STPG2: variants seen among roughly 807,000 people sequenced by gnomAD.
STPG2 encodes sperm-tail PG-rich repeat-containing protein 2.
Under a neutral mutation model 54.2 loss-of-function variants are expected in STPG2, and 56 were observed. The observed-to-expected ratio is 1.03, with a 90% CI of 0.83 to 1.29. The LOEUF (loss-of-function observed/expected upper bound fraction) is 1.29. Ranked by LOEUF, STPG2 falls within the 50% of genes most tolerant of loss-of-function variation. The pLI, the probability that STPG2 is intolerant of heterozygous loss-of-function variation, is 0.00. For synonymous variants in STPG2, 200 were observed against 181.8 expected, an observed-to-expected ratio of 1.10 and a Z score of -0.81; for missense variants, 596 against 544.9, an observed-to-expected ratio of 1.09 and a Z score of -0.93.
intron 4 of STPG2, chr4:97,489,892 AG>A (rs1730461059): frequency 6.6e-6 from 1 of 151,370 alleles, no homozygotes; most frequent in South Asian, 2.1e-4. Flanking sequence ...AGGAGACAAA[AG>A]ATTGCAGATC....
At chr4:97,955,849 T>A (rs1168778340) in intron 7 of STPG2, among the ~76,000 whole-genome samples, 1 of 152,102 alleles carries the variant, frequency 6.6e-6, no homozygotes, top group Non-Finnish European at 1.5e-5. Context: ...ATTAAAGTGC[T>A]GAAAATAATC....
chr4:98,089,826 TG>T (rs1167171699), intron 5 of STPG2, among the ~76,000 whole-genome samples: 6 of 152,130 alleles, frequency 3.9e-5, no homozygotes, highest in Admixed American at 3.3e-4. Context: ...TTTTCATGTT[TG>T]TTGGTTATTT....
chr4:97,613,836 T>C (rs1001114604), intron 10 of STPG2, among the ~76,000 whole-genome samples: 4 of 152,056 alleles, frequency 2.6e-5, no homozygotes, highest in African/African-American at 9.7e-5. Context: ...TCTGGCACTA[T>C]GTAAGATGCT....
chr4:97,704,954 AT>A (rs879253359), intron 10 of STPG2, among the ~76,000 whole-genome samples: 1 of 152,242 alleles, frequency 6.6e-6, no homozygotes, highest in South Asian at 2.1e-4. Context: ...TATGGAAAAA[AT>A]ATCTTAAAAT....
At chr4:98,065,048 T>C (rs1429482552) in intron 5 of STPG2, among the ~76,000 whole-genome samples, 2 of 152,088 alleles carry the variant, frequency 1.3e-5, no homozygotes, top group Non-Finnish European at 1.5e-5. Context: ...TACAAGTGCA[T>C]GCCACTAAGA....
intron 8 of STPG2, among the ~76,000 whole-genome samples, chr4:97,909,552 G>C (rs1347502456): frequency 1.3e-5 from 2 of 151,912 alleles, no homozygotes; most frequent in African/African-American, 4.8e-5. Flanking sequence ...AGAAACAAAA[G>C]TCCTAAATAA....
At chr4:97,970,295 T>C (rs1734278509) in intron 7 of STPG2, among the ~76,000 whole-genome samples, 2 of 152,098 alleles carry the variant, frequency 1.3e-5, no homozygotes, top group Non-Finnish European at 2.9e-5. Context: ...CTTCACAGAA[T>C]TGGAAAAAAA....
At chr4:97,462,485 A>G (rs1359020873) in intron 4 of STPG2, among the ~76,000 whole-genome samples, 1 of 150,806 alleles carries the variant, frequency 6.6e-6, no homozygotes, top group African/African-American at 2.4e-5. Flanking sequence ...GAATTTATTT[A>G]AAGGTCAATT....
At chr4:97,523,552 T>C (rs1731223612) in intron 4 of STPG2, among the ~76,000 whole-genome samples, 1 of 151,976 alleles carries the variant, frequency 6.6e-6, no homozygotes, top group African/African-American at 2.4e-5. Context: ...TTTATTAGAT[T>C]TGACAGTCTT....
chr4:97,712,933 C>T, intron 9 of STPG2, 119 bp from the exon 10 acceptor site: 2 of 586,822 alleles, frequency 3.4e-6, no homozygotes, highest in East Asian at 3.2e-5. Context: ...CAATCTTGAA[C>T]CCATTGTTTT....
At chr4:97,722,848 A>G (rs1724494766) in intron 9 of STPG2, among the ~76,000 whole-genome samples, 1 of 140,884 alleles carries the variant, frequency 7.1e-6, no homozygotes. Context: ...CCCCGGCTGG[A>G]GTGCAGTGGT....
intron 8 of STPG2, among the ~76,000 whole-genome samples, chr4:97,931,331 G>A (rs544352546): frequency 3.3e-5 from 5 of 152,090 alleles, no homozygotes; most frequent in Non-Finnish European, 5.9e-5. Context: ...TGTCCTAAAT[G>A]GCTTTTATTA....
At chr4:97,635,538 A>G (rs1441985335) in intron 10 of STPG2, among the ~76,000 whole-genome samples, 2 of 152,212 alleles carry the variant, frequency 1.3e-5, no homozygotes, top group African/African-American at 4.8e-5. Context: ...TAAAAGACAC[A>G]GACTGGCAAA....
intron 10 of STPG2, among the ~76,000 whole-genome samples, chr4:97,636,166 T>A (rs1353449949): frequency 1.4e-5 from 2 of 147,426 alleles, no homozygotes; most frequent in African/African-American, 5.0e-5. Flanking sequence ...GCAATCAAAC[T>A]AGAACTCAGG....
rs150292811 is a variant in STPG2 at position 97,755,771 on chromosome 4, T to G, written c.1205-42957A>C. ...AGTTTATTTTCTTAGAAGATGACCC[T>G]CTATGAAAGATGTGCAAAATTCATG... On this transcript the variant is annotated intron_variant, in intron 9 of 10. Transcript: ENST00000295268. Among the ~76,000 whole-genome samples, 1,306 of 152,300 alleles carry G rather than the reference T, an allele frequency of 8.6e-3. 18 individuals carry two copies. Among genetic ancestry groups the G allele is most frequent in the African/African-American group, 0.03 (1,245 of 41,580 alleles).
intron 10 of STPG2, among the ~76,000 whole-genome samples, chr4:97,647,860 C>A (rs546273143): frequency 1.3e-5 from 2 of 152,276 alleles, no homozygotes; most frequent in South Asian, 4.1e-4. Flanking sequence ...GGTAGTCCAG[C>A]AGGCTGGCAG....
intron 8 of STPG2, among the ~76,000 whole-genome samples, chr4:97,841,265 T>G (rs1728794232): frequency 6.6e-6 from 1 of 151,702 alleles, no homozygotes; most frequent in South Asian, 2.1e-4. Context: ...TGATTACCTG[T>G]TTTCCTAAGC....
intron 9 of STPG2, among the ~76,000 whole-genome samples, chr4:97,751,392 C>A (rs1175605967): frequency 6.6e-6 from 1 of 151,804 alleles, no homozygotes; most frequent in Admixed American, 6.6e-5. Context: ...GAACCCCCAA[C>A]ACAACTACAA....
At chr4:97,900,596 G>T (rs1731138753) in intron 8 of STPG2, among the ~76,000 whole-genome samples, 1 of 151,820 alleles carries the variant, frequency 6.6e-6, no homozygotes, top group Non-Finnish European at 1.5e-5. Flanking sequence ...GCTGCCATAA[G>T]AAAGAACAAG....
Sources: allele counts gnomAD v4.1 joint callset (sites outside exome capture counted in the v4.1 genomes callset), GRCh38; gene constraint gnomAD v4.1.1; transcripts MANE v1.5; gene names NCBI Gene and HGNC (gene_info 2026-07-23, HGNC 2026-07-21).